Variants in SNAPC2 observed in about 807,000 individuals in gnomAD.
SNAPC2 encodes small nuclear RNA activating complex polypeptide 2.
SNAPC2 carries 27 observed loss-of-function variants against 22.9 expected under a neutral mutation model. That is an observed-to-expected ratio of 1.18 (90% CI 0.87 to 1.63). SNAPC2 has a LOEUF of 1.63. Ranked by LOEUF, SNAPC2 falls within the 40% of genes most tolerant of loss-of-function variation. SNAPC2 has a pLI of 0.00. For synonymous variants in SNAPC2, 272 were observed against 201.0 expected, an observed-to-expected ratio of 1.35 and a Z score of -2.99; for missense variants, 570 against 449.1, an observed-to-expected ratio of 1.27 and a Z score of -2.43.
At chr19:7,921,143 G>A (rs920603498) in intron 1 of SNAPC2, 7 of 1,364,682 alleles carry the variant, frequency 5.1e-6, no homozygotes, top group South Asian at 1.6e-5. Context: ...GAGAAGAGGG[G>A]ACGAAGAAGG....
Position 7,922,324 on chromosome 19 carries a change from GC to G in SNAPC2, c.663del (p.Ser222AlafsTer35). 6.2e-7 allele frequency: 1 copy of G among 1,613,516 alleles called. No individual in the cohort carries two copies. Among genetic ancestry groups the G allele is most frequent in the South Asian group, 1.1e-5 (1 of 91,060 alleles). ...KYLSSVSRSG[R>X]SPELSAAESA... The stretch of plus-strand genomic sequence containing the variant: ...TTGTCCTCTGTCTCCCGAAGTGGCC[GC>G]AGCCCCGAGCTCTCAGCAGCTGGTG... On this transcript the variant is annotated frameshift_variant, in exon 4 of 5. Transcript: ENST00000221573. LOFTEE classifies it low-confidence loss of function (END_TRUNC).
chr19:7,922,618 A>G lies in SNAPC2; in HGVS notation c.859A>G (p.Lys287Glu), dbSNP rs1364603149. The G allele has an allele frequency of 1.2e-6, 2 of 1,613,314 alleles. No homozygotes were observed. The highest frequency in any genetic ancestry group is 1.1e-5 in the South Asian group (1 of 91,060). ...PAAEGDGAGSKAPEETPPATE... is the reference protein window; with the variant it reads ...PAAEGDGAGSEAPEETPPATE... ...AGCAGAAGGGGATGGGGCTGGCTCCAAGGCACCAGAGGAGACCCCCCCAGC... is the reference window on the plus strand; with the variant it reads ...AGCAGAAGGGGATGGGGCTGGCTCCGAGGCACCAGAGGAGACCCCCCCAGC... Residue 287 changes from lysine to glutamate, a missense_variant, in exon 5 of 5, where the codon AAG becomes GAG. Physicochemically the swap from Lys to Glu is moderately conservative, Grantham distance 56. Coordinates refer to ENST00000221573, the MANE Select transcript of SNAPC2 (RefSeq NM_003083.4).
At position 7,922,587 on chromosome 19, in the gene SNAPC2, G is replaced by T. The variant is rs752530477; in HGVS notation, c.828G>T (p.Gly276=). ...CCATTCCCGCTGGAGGGAGCCTGGG[G>T]CCTGCAGCAGAAGGGGATGGGGCTG... ...PQPIPAGGSL[G]PAAEGDGAGS... is the part of the protein sequence containing the mutation. Residue 276 remains glycine (G), a synonymous_variant, in exon 5 of 5, where the codon GGG becomes GGT. Transcript: ENST00000221573. 2.5e-6 allele frequency: 4 copies of T among 1,613,488 alleles called. No homozygotes were observed. Among genetic ancestry groups the T allele is most frequent in the Non-Finnish European group, 3.4e-6 (4 of 1,179,922 alleles).
In SNAPC2 at chr19:7,922,753, C is replaced by T. The variant is rs1234723951; in HGVS notation, c.994C>T (p.Pro332Ser). Residue 332 changes from proline to serine, a missense_variant, in exon 5 of 5, where the codon CCT becomes TCT. By Grantham distance (74) the Pro-to-Ser change is moderately conservative. Coordinates refer to ENST00000221573, the MANE Select transcript of SNAPC2 (RefSeq NM_003083.4). The stretch of plus-strand genomic sequence containing the variant: ...GGAGCTTCTGGGTCGGGCAGCCACC[C>T]CTGCCAGGTGAGGGGCATGGCGGGC... Reference protein sequence around the residue: ...PLELLGRAATPAR With the variant: ...PLELLGRAATSAR 3 of 1,586,470 alleles carry T rather than the reference C, an allele frequency of 1.9e-6. No individual in the cohort carries two copies. Among genetic ancestry groups the T allele is most frequent in the East Asian group, 2.3e-5 (1 of 44,298 alleles).
intron 1 of SNAPC2, chr19:7,920,994 C>A: frequency 8.9e-7 from 1 of 1,124,114 alleles, no homozygotes; most frequent in Non-Finnish European, 1.1e-6. Flanking sequence ...GCTTTAAAGG[C>A]GGGGCGAGCC....
At position 7,920,398 on chromosome 19, in the gene SNAPC2, C is replaced by T. The variant is rs762899662; in HGVS notation, c.32C>T (p.Pro11Leu). The T allele has an allele frequency of 1.9e-6, 3 of 1,580,754 alleles. No individual in the cohort carries two copies. The highest frequency in any genetic ancestry group is 1.4e-5 in the African/African-American group (1 of 71,910). The change falls in exon 1 of 5, where the codon CCG becomes CTG. Residue 11 changes from proline to leucine, a missense_variant. Pro to Leu is a moderately conservative substitution (Grantham distance 98). Coordinates refer to ENST00000221573, the MANE Select transcript of SNAPC2 (RefSeq NM_003083.4). Reference sequence around the variant, plus strand: ...CCACCTCCCAGGCGGCGAGCGGCCCCGGCGCGCTATCTGGGCGAGGTGACC... The same window carrying T: ...CCACCTCCCAGGCGGCGAGCGGCCCTGGCGCGCTATCTGGGCGAGGTGACC... MKPPPRRRAA[P>L]ARYLGEVTGP...
rs1983527628 is a variant in SNAPC2, at chr19:7,920,547, G to A, written c.181G>A (p.Glu61Lys). 9.4e-6 allele frequency: 13 copies of A among 1,387,710 alleles called. No individual in the cohort carries two copies. The highest frequency in any genetic ancestry group is 1.0e-5 in the Non-Finnish European group (11 of 1,070,022). The allele number at this position is 1,387,710 out of a possible 1,614,324, so 86.0% of individuals were successfully genotyped here. A position where few individuals can be genotyped will look rare whatever the true frequency, so the allele number is the denominator to read the frequency against. Residue 61 changes from glutamate (E) to lysine (K), a missense_variant and splice_region_variant, in exon 1 of 5, where the codon GAG becomes AAG. Coordinates refer to ENST00000221573, the MANE Select transcript of SNAPC2 (RefSeq NM_003083.4). ...GGAGCTGCGGGGCCGGAGCGAGGCT[G>A]AGGTGAGATGCGGTTCTCGGGACCG... ...ARELRGRSEA[E>K]IRVFLQQLKG...
In SNAPC2 at chr19:7,922,567, C is replaced by T. The variant is rs776945759; in HGVS notation, c.808C>T (p.Pro270Ser). The T allele has an allele frequency of 6.7e-5, 108 of 1,613,402 alleles. No homozygotes were observed. Among genetic ancestry groups the T allele is most frequent in the Non-Finnish European group, 8.6e-5 (102 of 1,179,848 alleles). ...ACGCCTGACAGCCCCCCAGCCCATT[C>T]CCGCTGGAGGGAGCCTGGGGCCTGC... is the stretch of plus-strand genomic sequence containing the variant. ...YLRLTAPQPI[P>S]AGGSLGPAAE... is the part of the protein sequence containing the mutation. The change falls in exon 5 of 5, where the codon CCC (proline) becomes TCC (serine). Residue 270 changes from proline to serine, a missense_variant. Coordinates refer to ENST00000221573, the MANE Select transcript of SNAPC2 (RefSeq NM_003083.4).
In SNAPC2 at chr19:7,921,016, C is replaced by G. The variant is rs796229696; in HGVS notation, c.184-407C>G. On this transcript the variant is annotated intron_variant, in intron 1 of 4. Coordinates refer to ENST00000221573, the MANE Select transcript of SNAPC2 (RefSeq NM_003083.4). ...AGGCGGGGCGAGCCTCGGGGTAATG[C>G]GTGGGTGAGGCGAGGGCTAAACGGG... The G allele has an allele frequency of 9.7e-6, 11 of 1,135,328 alleles. No homozygotes were observed. In the African/African-American group the frequency reaches 1.8e-4, roughly 19 times the overall value. 70.3% of individuals were successfully genotyped at this position (1,135,328 alleles called of 1,614,324 possible).
rs757697415 is a variant in SNAPC2, at chr19:7,922,807, C to T, written c.*43C>T. 1 of 1,444,280 alleles carries T rather than the reference C, an allele frequency of 6.9e-7. No individual in the cohort carries two copies. Among genetic ancestry groups the T allele is most frequent in the South Asian group, 1.3e-5 (1 of 75,396 alleles). 89.5% of individuals were successfully genotyped at this position (1,444,280 alleles called of 1,614,324 possible). On this transcript the variant is annotated 3_prime_UTR_variant, in exon 5 of 5. Transcript: ENST00000221573. ...AGGCCACACCAGGCCCCCCGCCCTG[C>T]CCCTCGGTTCTGCTCGGCTGGCCCT...
chr19:7,921,227 T>C, intron 1 of SNAPC2, 196 bp from the exon 2 acceptor site: 2 of 1,411,734 alleles, frequency 1.4e-6, no homozygotes. Context: ...GCCTGGGCCT[T>C]ACAACTTCCT....
chr19:7,920,980 G>C, intron 1 of SNAPC2: 1 of 1,129,834 alleles, frequency 8.9e-7, no homozygotes, highest in Non-Finnish European at 1.1e-6. Flanking sequence ...CGGGATGAGG[G>C]CAAGCTTTAA....
At position 7,922,632 on chromosome 19, in the gene SNAPC2, GA is replaced by G. The variant is rs1983625227; in HGVS notation, c.874del (p.Thr292ProfsTer13). ...GGGCTGGCTCCAAGGCACCAGAGGAGACCCCCCCAGCCACCGAGAAGGCCGA... is the reference window on the plus strand; with the variant it reads ...GGGCTGGCTCCAAGGCACCAGAGGAGCCCCCCCAGCCACCGAGAAGGCCGA... ...DGAGSKAPEE[T>X]PPATEKAEHS... is the part of the protein sequence containing the mutation. On this transcript the variant is annotated frameshift_variant, in exon 5 of 5. Coordinates refer to ENST00000221573, the MANE Select transcript of SNAPC2 (RefSeq NM_003083.4). LOFTEE classifies it low-confidence loss of function (END_TRUNC). 6.2e-7 allele frequency: 1 copy of G among 1,610,914 alleles called. No homozygotes were observed. Among genetic ancestry groups the G allele is most frequent in the African/African-American group, 1.3e-5 (1 of 74,362 alleles).
rs749938149 is a variant in SNAPC2 at position 7,921,750 on chromosome 19, G to C, written c.349G>C (p.Ala117Pro). The change falls in exon 3 of 5, where the codon GCC becomes CCC. Residue 117 changes from alanine to proline, a missense_variant. By Grantham distance (27) the Ala-to-Pro change is conservative (BLOSUM62 -1). Coordinates refer to ENST00000221573, the MANE Select transcript of SNAPC2 (RefSeq NM_003083.4). ...AEKITGPLEE[A>P]LAVAFSQVLT... is the part of the protein sequence containing the mutation. ...GAAGATAACAGGGCCACTGGAAGAA[G>C]CCCTGGCAGTGGCTTTCTCGCAGGT... is the stretch of plus-strand genomic sequence containing the variant. 4 of 1,613,596 alleles carry C rather than the reference G, an allele frequency of 2.5e-6. No homozygotes were observed. The highest frequency in any genetic ancestry group is 3.4e-6 in the Non-Finnish European group (4 of 1,179,734).
intron 1 of SNAPC2, chr19:7,920,890 TG>T: frequency 1.3e-6 from 1 of 753,362 alleles, no homozygotes; most frequent in Non-Finnish European, 1.5e-6. Context: ...AGGACGAGCC[TG>T]GGGGCGGGGC....
At chr19:7,921,827 G>A in intron 3 of SNAPC2, 54 bp downstream of exon 3, 1 of 1,566,624 alleles carries the variant, frequency 6.4e-7, no homozygotes, top group South Asian at 1.1e-5. Flanking sequence ...GGGTCACATG[G>A]GCCAAATCAT....
chr19:7,922,829 C>A lies in SNAPC2; in HGVS notation c.*65C>A. The A allele has an allele frequency of 2.3e-6, 3 of 1,303,166 alleles. No individual in the cohort carries two copies. The highest frequency in any genetic ancestry group is 3.2e-6 in the Non-Finnish European group (3 of 949,926). 80.7% of individuals were successfully genotyped at this position (1,303,166 alleles called of 1,614,324 possible). ...CTGCCCCTCGGTTCTGCTCGGCTGG[C>A]CCTGGCTCTTTCTGAGGATCCCGTC... On this transcript the variant is annotated 3_prime_UTR_variant, in exon 5 of 5. Coordinates refer to ENST00000221573, the MANE Select transcript of SNAPC2 (RefSeq NM_003083.4).
Position 7,922,867 on chromosome 19 carries a change from CCTTGAGA to C in SNAPC2, c.*104_*110del. ...TGAGGATCCCGTCATGGGGGAAGGTCCTTGAGATGATGCTCAGCTGTGGGGCGGGCCT... is the reference window on the plus strand; with the variant it reads ...TGAGGATCCCGTCATGGGGGAAGGTCTGATGCTCAGCTGTGGGGCGGGCCT... On this transcript the variant is annotated 3_prime_UTR_variant, in exon 5 of 5. Transcript: ENST00000221573. 1 of 929,584 alleles carries C rather than the reference CCTTGAGA, an allele frequency of 1.1e-6. No homozygotes were observed. The highest frequency in any genetic ancestry group is 1.7e-5 in the South Asian group (1 of 59,728). The allele number at this position is 929,584 out of a possible 1,614,324, so 57.6% of individuals were successfully genotyped here.
chr19:7,921,972 G>A (rs781080360), intron 3 of SNAPC2, 63 bp from the exon 4 acceptor site: 7 of 1,525,228 alleles, frequency 4.6e-6, no homozygotes, highest in Non-Finnish European at 6.2e-6. Context: ...GAGGATGGGG[G>A]AATGTGTAGA....
Sources: gnomAD v4.1 joint callset for allele counts on GRCh38, gnomAD v4.1.1 for gene constraint, MANE v1.5 for transcripts, NCBI Gene and HGNC (gene_info 2026-07-23, HGNC 2026-07-21) for gene names.